DNAH12: variants seen among roughly 807,000 people sequenced by gnomAD.
DNAH12 encodes axonemal beta dynein heavy chain 12.
Under a neutral mutation model 371.5 loss-of-function variants are expected in DNAH12, and 285 were observed. That is an observed-to-expected ratio of 0.77 (90% CI 0.70 to 0.85). The LOEUF (loss-of-function observed/expected upper bound fraction) is 0.85, where lower values mean the gene tolerates loss of function less well. Among genes scored for constraint, DNAH12 ranks in the 40% least tolerant of loss-of-function variants. The pLI is 0.00. For synonymous variants in DNAH12, 1,200 were observed against 1,213.0 expected (o/e 0.99, Z 0.22); for missense variants, 3,611 against 3,689.4 (o/e 0.98, Z 0.55).
At chr3:57,472,121 A>G (rs2066385468) in intron 14 of DNAH12, among the ~76,000 whole-genome samples, 1 of 152,174 alleles carries the variant, frequency 6.6e-6, no homozygotes, top group African/African-American at 2.4e-5. Flanking sequence ...GACTTTTTCA[A>G]TATCTGAAAT....
intron 70 of DNAH12, among the ~76,000 whole-genome samples, chr3:57,298,299 C>T (rs1216062383): frequency 6.6e-6 from 1 of 152,198 alleles, no homozygotes; most frequent in Non-Finnish European, 1.5e-5. Context: ...TGCAGAAACT[C>T]TTGCTGGGAC....
Position 57,309,147 on chromosome 3 carries a change from T to G in DNAH12, c.11189+4A>C. ...TCTGAATCACTGGGGATATAGATCCTTACTTGTTAAATCTTTCCATTTCTT... is the reference window on the plus strand; with the variant it reads ...TCTGAATCACTGGGGATATAGATCCGTACTTGTTAAATCTTTCCATTTCTT... On this transcript the variant is annotated splice_donor_region_variant and intron_variant, in intron 69 of 73. Transcript: ENST00000495027. 1 of 1,529,432 alleles carries G rather than the reference T, an allele frequency of 6.5e-7. No individual in the cohort carries two copies. The highest frequency in any genetic ancestry group is 8.8e-7 in the Non-Finnish European group (1 of 1,134,496). The allele number at this position is 1,529,432 out of a possible 1,614,324, so 94.7% of individuals were successfully genotyped here.
intron 2 of DNAH12, 135 bp from the exon 3 acceptor site, chr3:57,524,019 A>G: frequency 2.0e-6 from 1 of 512,248 alleles, no homozygotes. Flanking sequence ...TATGAGAAAC[A>G]AATCCCAATA....
Position 57,293,809 on chromosome 3 carries a change from A to G in DNAH12, c.11855T>C (p.Val3952Ala), listed in dbSNP as rs1559527704. 1 of 1,551,192 alleles carries G rather than the reference A, an allele frequency of 6.4e-7. No homozygotes were observed. The highest frequency in any genetic ancestry group is 8.7e-7 in the Non-Finnish European group (1 of 1,146,816). The change falls in exon 74 of 74, where the codon GTT becomes GCT. Residue 3952 changes from valine (V) to alanine (A), a missense_variant. Coordinates refer to ENST00000495027, the MANE Select transcript of DNAH12 (RefSeq NM_001366028.2). Reference protein sequence around the residue: ...QPTRHWIKRGVALLCQLDD With the variant: ...QPTRHWIKRGAALLCQLDD ...GTCATCCAACTGACAAAGCAAAGCAACCCCGCGCTTGATCCAGTGCCGAGT... is the reference window on the plus strand; with the variant it reads ...GTCATCCAACTGACAAAGCAAAGCAGCCCCGCGCTTGATCCAGTGCCGAGT...
intron 73 of DNAH12, 88 bp downstream of exon 73, chr3:57,295,437 G>C: frequency 9.3e-7 from 1 of 1,070,618 alleles, no homozygotes; most frequent in Non-Finnish European, 1.3e-6. Context: ...TAAAAGGTTT[G>C]AGCAAAAACT....
intron 4 of DNAH12, chr3:57,519,612 G>A: frequency 9.9e-7 from 1 of 1,013,192 alleles, no homozygotes; most frequent in Non-Finnish European, 1.6e-6. Flanking sequence ...AAGGGCACTT[G>A]ATAACAAGAT....
chr3:57,303,650 T>A (rs1468241993), intron 69 of DNAH12, among the ~76,000 whole-genome samples: 6 of 152,154 alleles, frequency 3.9e-5, no homozygotes, highest in Admixed American at 3.9e-4. Flanking sequence ...GCGATCCTCC[T>A]GCCTCGGCCT....
intron 13 of DNAH12, among the ~76,000 whole-genome samples, chr3:57,476,787 A>T (rs1046197495): frequency 7.9e-5 from 12 of 152,228 alleles, no homozygotes; most frequent in Non-Finnish European, 1.8e-4. Context: ...GAATAAGAGT[A>T]AAATATAGGT....
intron 22 of DNAH12, among the ~76,000 whole-genome samples, chr3:57,456,828 A>G (rs542448452): frequency 6.6e-6 from 1 of 152,224 alleles, no homozygotes; most frequent in African/African-American, 2.4e-5. Context: ...TGCCACCCAT[A>G]TGCTCAAATT....
rs764948233 is a variant in DNAH12 at position 57,437,012 on chromosome 3, G to C, written c.4594C>G (p.Pro1532Ala). ...HEACNVHNLQ[P>A]VKFFLEKIIQ... The stretch of plus-strand genomic sequence containing the variant: ...ATTTTTTCAAGAAAAAATTTAACAG[G>C]CTGAAGATTATGTACATTGCAGGCT... The change falls in exon 30 of 74, where the codon CCT (proline) becomes GCT (alanine). Residue 1532 changes from proline to alanine, a missense_variant. This residue lies in a region of DNAH12 where 2,266 missense variants were observed against 2,236.9 expected (regional missense o/e 1.01). Transcript: ENST00000495027. 2 of 1,509,404 alleles carry C rather than the reference G, an allele frequency of 1.3e-6. No individual in the cohort carries two copies. The highest frequency in any genetic ancestry group is 2.9e-5 in the African/African-American group (2 of 70,034). 93.5% of individuals were successfully genotyped at this position (1,509,404 alleles called of 1,614,324 possible). A position where few individuals can be genotyped will look rare whatever the true frequency, so the allele number is the denominator to read the frequency against.
intron 20 of DNAH12, among the ~76,000 whole-genome samples, chr3:57,459,281 C>CATTTG (rs1307863069): frequency 6.6e-6 from 1 of 152,104 alleles, no homozygotes; most frequent in East Asian, 1.9e-4. Flanking sequence ...CTCCTCTCTC[C>CATTTG]ATTTGATTTG....
intron 11 of DNAH12, among the ~76,000 whole-genome samples, chr3:57,494,772 G>A (rs1284111079): frequency 6.6e-6 from 1 of 152,180 alleles, no homozygotes; most frequent in East Asian, 1.9e-4. Flanking sequence ...AGTTTGGGAG[G>A]CTGAGGCAGG....
chr3:57,318,479 T>A (rs926624066), intron 65 of DNAH12, among the ~76,000 whole-genome samples: 3 of 151,926 alleles, frequency 2.0e-5, no homozygotes, highest in Non-Finnish European at 4.4e-5. Context: ...TATGTGTAGA[T>A]TGATTTCTGA....
At chr3:57,319,603 G>A (rs1393255934) in intron 65 of DNAH12, among the ~76,000 whole-genome samples, 1 of 151,734 alleles carries the variant, frequency 6.6e-6, no homozygotes, top group Non-Finnish European at 1.5e-5. Flanking sequence ...TTCCTGAGAT[G>A]GAGTCTTGCT....
chr3:57,510,747 G>A (rs1310470835), intron 5 of DNAH12, 43 bp downstream of exon 5: 2 of 1,585,766 alleles, frequency 1.3e-6, no homozygotes. Context: ...GACGGGGGGA[G>A]GCCAAGGTGA....
intron 58 of DNAH12, among the ~76,000 whole-genome samples, chr3:57,360,465 G>A (rs1205551930): frequency 6.6e-6 from 1 of 152,114 alleles, no homozygotes; most frequent in Non-Finnish European, 1.5e-5. Context: ...AAGGCAGGCG[G>A]ATCACCTGAG....
At chr3:57,521,063 CAAAAAAAAAAAAAAAAA>C (rs61570396) in intron 4 of DNAH12, among the ~76,000 whole-genome samples, 1,876 of 54,520 alleles carry the variant, frequency 0.034, 74 homozygotes, top group African/African-American at 0.082. Flanking sequence ...GACTCTGTCT[CAAAAAAAAAAAAAAAAA>C]AAAAAAAAAA....
intron 12 of DNAH12, among the ~76,000 whole-genome samples, chr3:57,485,692 C>T (rs993982160): frequency 1.3e-5 from 2 of 151,862 alleles, no homozygotes; most frequent in African/African-American, 4.8e-5. Context: ...AGCCACCGCA[C>T]CCGGCTGGAG....
chr3:57,472,233 G>C (rs191943100), intron 14 of DNAH12, among the ~76,000 whole-genome samples: 1 of 152,166 alleles, frequency 6.6e-6, no homozygotes, highest in African/African-American at 2.4e-5. Context: ...GAAGAAATGG[G>C]AGCATGTGGG....
Sources: gnomAD v4.1 joint callset for allele counts (sites outside exome capture counted in the v4.1 genomes callset) on GRCh38, gnomAD v4.1.1 for gene constraint, gnomAD v4.1.1 regional missense constraint, MANE v1.5 for transcripts, NCBI Gene and HGNC (gene_info 2026-07-23, HGNC 2026-07-21) for gene names.